The following CEP295NL variants were observed in gnomAD, a reference collection of about 807,000 sequenced individuals.
CEP295NL encodes CEP295 N-terminal like, also known as protein DDC8 homolog.
Under a neutral mutation model 4.6 loss-of-function variants are expected in CEP295NL, and 3 were observed. The observed-to-expected ratio is 0.65, with a 90% CI of 0.30 to 1.69. The LOEUF (loss-of-function observed/expected upper bound fraction) is 1.69, where lower values mean the gene tolerates loss of function less well. CEP295NL is among the 40% of genes most tolerant of loss of function. The pLI is 0.10. For synonymous variants in CEP295NL, 295 were observed against 312.2 expected, an observed-to-expected ratio of 0.94 and a Z score of 0.58; for missense variants, 719 against 769.0, an observed-to-expected ratio of 0.93 and a Z score of 0.77.
At chr17:78,893,493 G>C (rs910433515) in intron 2 of CEP295NL, among the ~76,000 whole-genome samples, 24 of 150,242 alleles carry the variant, frequency 1.6e-4, no homozygotes, top group Admixed American at 2.6e-4. Context: ...GTGCAGGGGT[G>C]TGTGCGCGCA....
chr17:78,892,701 G>A (rs2069920272), intron 2 of CEP295NL, among the ~76,000 whole-genome samples: 3 of 152,338 alleles, frequency 2.0e-5, no homozygotes, highest in South Asian at 4.1e-4. Context: ...TTTCCCAGGG[G>A]ACATTGGCAA....
intron 2 of CEP295NL, among the ~76,000 whole-genome samples, chr17:78,895,191 G>A (rs1195093545): frequency 6.6e-6 from 1 of 152,170 alleles, no homozygotes; most frequent in Non-Finnish European, 1.5e-5. Context: ...TAAGGCAGGA[G>A]AATTGCTTGT....
At position 78,901,892 on chromosome 17, in the gene CEP295NL, C is replaced by G; in HGVS notation, c.-64G>C. 1.5e-6 allele frequency: 1 copy of G among 645,258 alleles called. No homozygotes were observed. 40.0% of individuals were successfully genotyped at this position (645,258 alleles called of 1,614,324 possible). On this transcript the variant is annotated 5_prime_UTR_variant, in exon 2 of 3. Transcript: ENST00000322630. ...TGTCTCCAGGGCTGTCTTGAAATCA[C>G]TGGGCTGACTTTGTAGGTAGTGAGA...
chr17:78,891,610 T>G lies in CEP295NL; in HGVS notation c.894A>C (p.Gly298=), dbSNP rs60709877. ...CTCTCAGCTTCCCCTCCAGACTCTG[T>G]CCCTGAGAGCGACTGGTCAGGGCTG... ...FVPALTSRSQ[G]QSLEGKLRDL... Residue 298 remains glycine (G), a synonymous_variant, in exon 3 of 3, where the codon GGA becomes GGC. Coordinates refer to ENST00000322630, the MANE Select transcript of CEP295NL (RefSeq NM_001243540.2). This position sits in a 1 kb window ranked among gnomAD's most constrained non-coding sequence, Gnocchi z 4.5. The G allele has an allele frequency of 7.0e-4, 1,086 of 1,550,906 alleles. 9 individuals carry two copies. The African/African-American group carries it at 0.013, about 19-fold the overall frequency.
At chr17:78,893,479 GTGTGTGCA>G in intron 2 of CEP295NL, among the ~76,000 whole-genome samples, 3 of 151,304 alleles carry the variant, frequency 2.0e-5, no homozygotes, top group African/African-American at 7.3e-5. Context: ...GCATAGCGGT[GTGTGTGCA>G]GGGGTGTGTG....
chr17:78,893,360 CAGGG>C (rs2069942498), intron 2 of CEP295NL, among the ~76,000 whole-genome samples: 1 of 105,142 alleles, frequency 9.5e-6, no homozygotes, highest in African/African-American at 4.0e-5. Context: ...GGTGTGTGTG[CAGGG>C]GTGTGTAGGA....
chr17:78,896,914 G>A lies in CEP295NL; in HGVS notation c.45-4455C>T. 2 of 985,250 alleles carry A rather than the reference G, an allele frequency of 2.0e-6. No individual in the cohort carries two copies. The highest frequency in any genetic ancestry group is 2.4e-6 in the Non-Finnish European group (2 of 829,830). The allele number at this position is 985,250 out of a possible 1,614,324, so 61.0% of individuals were successfully genotyped here. ...GCACCTGGGCCCAGGAATGTGCTTG[G>A]CCACCAGATTCCCAGCGATTCTCAC... On this transcript the variant is annotated intron_variant, in intron 2 of 2. Transcript: ENST00000322630. The surrounding 1 kb of genome is among the most constrained non-coding windows in gnomAD (Gnocchi z 4.4).
chr17:78,899,248 C>T (rs2070050932), intron 2 of CEP295NL: 1 of 153,170 alleles, frequency 6.5e-6, no homozygotes, highest in African/African-American at 2.4e-5. Context: ...TCATCTCTCA[C>T]CTGAGGCCCT....
chr17:78,891,138 T>C lies in CEP295NL; in HGVS notation c.1366A>G (p.Ile456Val), dbSNP rs1290592713. Residue 456 changes from isoleucine (I) to valine (V), a missense_variant, in exon 3 of 3, where the codon ATA becomes GTA. By Grantham distance (29) the Ile-to-Val change is conservative. Transcript: ENST00000322630. The surrounding 1 kb of genome is among the most constrained non-coding windows in gnomAD (Gnocchi z 4.5). The stretch of plus-strand genomic sequence containing the variant: ...AATGAGTCCTCTTTGTTGATAAATA[T>C]ACCTGCCTCGGGAGACAATGTTTGA... ...GSQTLSPEAGIFINKEDSLLY... is the reference protein window; with the variant it reads ...GSQTLSPEAGVFINKEDSLLY... 1 of 1,550,686 alleles carries C rather than the reference T, an allele frequency of 6.4e-7. No individual in the cohort carries two copies. Among genetic ancestry groups the C allele is most frequent in the Non-Finnish European group, 8.7e-7 (1 of 1,147,024 alleles).
rs1321001993 is a variant in CEP295NL at position 78,891,062 on chromosome 17, G to A, written c.1442C>T (p.Ala481Val). 3.2e-6 allele frequency: 5 copies of A among 1,550,940 alleles called. No homozygotes were observed. The African/African-American group carries it at 6.8e-5, about 21-fold the overall frequency. The change falls in exon 3 of 3, where the codon GCA (alanine) becomes GTA (valine). Residue 481 changes from alanine to valine, a missense_variant. Coordinates refer to ENST00000322630, the MANE Select transcript of CEP295NL (RefSeq NM_001243540.2). This position sits in a 1 kb window ranked among gnomAD's most constrained non-coding sequence, Gnocchi z 4.5. ...GQETPKLGTLAEGSLQLHLQD... is the reference protein window; with the variant it reads ...GQETPKLGTLVEGSLQLHLQD... ...AAGGTGGAGCTGAAGGGAGCCCTCTGCCAGCGTGCCCAGTTTGGGGGTCTC... is the reference window on the plus strand; with the variant it reads ...AAGGTGGAGCTGAAGGGAGCCCTCTACCAGCGTGCCCAGTTTGGGGGTCTC...
At chr17:78,893,147 A>G (rs1417655181) in intron 2 of CEP295NL, among the ~76,000 whole-genome samples, 9 of 115,398 alleles carry the variant, frequency 7.8e-5, no homozygotes, top group Non-Finnish European at 1.4e-4. Flanking sequence ...GTGTGCGTAC[A>G]TGTGTGTGCA....
chr17:78,890,731 G>GTCTCGGAT lies in CEP295NL; in HGVS notation c.1765_1772dup (p.Asp591GlufsTer?). ...TTTGCTGTAAGATCTGCTGCTGCTG[G>GTCTCGGAT]TCTCGGATCATCTGACTGTGCCGGT... On this transcript the variant is annotated frameshift_variant, in exon 3 of 3. Coordinates refer to ENST00000322630, the MANE Select transcript of CEP295NL (RefSeq NM_001243540.2). LOFTEE classifies it high-confidence loss of function. The GTCTCGGAT allele has an allele frequency of 6.4e-7, 1 of 1,550,632 alleles. No homozygotes were observed. The highest frequency in any genetic ancestry group is 1.2e-5 in the South Asian group (1 of 84,068).
chr17:78,890,627 GC>G lies in CEP295NL; in HGVS notation c.*10del. The G allele has an allele frequency of 6.5e-7, 1 of 1,546,934 alleles. No individual in the cohort carries two copies. The highest frequency in any genetic ancestry group is 8.7e-7 in the Non-Finnish European group (1 of 1,144,136). On this transcript the variant is annotated 3_prime_UTR_variant, in exon 3 of 3. Transcript: ENST00000322630. ...TCAGTGATGTATTTACCCCGGGTGGGCCTCTCGCATTTAGCATATGTTCTGA... is the reference window on the plus strand; with the variant it reads ...TCAGTGATGTATTTACCCCGGGTGGGCTCTCGCATTTAGCATATGTTCTGA...
At chr17:78,895,294 T>C (rs1325855854) in intron 2 of CEP295NL, among the ~76,000 whole-genome samples, 6 of 151,810 alleles carry the variant, frequency 4.0e-5, no homozygotes, top group Admixed American at 3.9e-4. Context: ...AATAAATAAA[T>C]AAAAATAAAA....
Position 78,891,259 on chromosome 17 carries a change from C to T in CEP295NL, c.1245G>A (p.Gln415=). 3.2e-6 allele frequency: 5 copies of T among 1,550,674 alleles called. No homozygotes were observed. ...EPRSPAEEEA[Q]QAASKTDLKT... ...TCAAGTCGGTCTTGGACGCTGCCTG[C>T]TGCGCCTCCTCCTCTGCTGGGCTCC... The change falls in exon 3 of 3, where the codon CAG becomes CAA. Residue 415 remains glutamine (Q), a synonymous_variant. Coordinates refer to ENST00000322630, the MANE Select transcript of CEP295NL (RefSeq NM_001243540.2). The surrounding 1 kb of genome is among the most constrained non-coding windows in gnomAD (Gnocchi z 4.5).
chr17:78,902,102 CG>C (rs2070103174), intron 1 of CEP295NL, among the ~76,000 whole-genome samples, 176 bp from the exon 2 acceptor site: 1 of 152,148 alleles, frequency 6.6e-6, no homozygotes, highest in Non-Finnish European at 1.5e-5. Context: ...GGCGGGGGGA[CG>C]GGGGTCCCAA....
At chr17:78,902,968 G>A (rs1003819090) in intron 1 of CEP295NL, among the ~76,000 whole-genome samples, 166 bp downstream of exon 1, 2 of 152,170 alleles carry the variant, frequency 1.3e-5, no homozygotes, top group Non-Finnish European at 2.9e-5. Flanking sequence ...GGACTTTGCC[G>A]CTGGCCTTGC....
At chr17:78,901,117 A>T (rs957968117) in intron 2 of CEP295NL, 1 of 152,644 alleles carries the variant, frequency 6.6e-6, no homozygotes, top group Non-Finnish European at 1.5e-5. Flanking sequence ...AGCGCCGAGA[A>T]CAGAGTCTGG....
intron 2 of CEP295NL, chr17:78,899,006 G>A (rs1406142099): frequency 6.6e-6 from 1 of 152,300 alleles, no homozygotes; most frequent in Non-Finnish European, 1.5e-5. Flanking sequence ...CCAAAGTGCT[G>A]GGATTCCAGG....
Sources: gnomAD v4.1 joint callset for allele counts (sites outside exome capture counted in the v4.1 genomes callset) on GRCh38, gnomAD v4.1.1 for gene constraint, Gnocchi (gnomAD v3.1) non-coding constraint, MANE v1.5 for transcripts, NCBI Gene and HGNC (gene_info 2026-07-23, HGNC 2026-07-21) for gene names.